ZNF426: variants seen among roughly 807,000 people sequenced by gnomAD.
ZNF426 encodes CTC-543D15.7.
A neutral mutation model predicts 24.0 loss-of-function variants in ZNF426; 23 were observed. That is an observed-to-expected ratio of 0.96 (90% CI 0.69 to 1.36). ZNF426 has a LOEUF of 1.36. Ranked by LOEUF, ZNF426 falls within the 40% of genes most tolerant of loss-of-function variation. The probability of loss-of-function intolerance (pLI) is 0.00; values close to 1 mark genes in which losing one functional copy is unlikely to be tolerated. For missense variants in ZNF426, 646 were observed against 658.4 expected, an observed-to-expected ratio of 0.98 and a Z score of 0.21; for synonymous variants, 272 against 224.6, an observed-to-expected ratio of 1.21 and a Z score of -1.89.
chr19:9,532,124 C>T (rs1162973155), intron 6 of ZNF426, among the ~76,000 whole-genome samples: 1 of 152,046 alleles, frequency 6.6e-6, no homozygotes, highest in Non-Finnish European at 1.5e-5. Context: ...ATGACCGCTA[C>T]GTGACTCACA....
chr19:9,536,843 G>A (rs2073973430), intron 2 of ZNF426, among the ~76,000 whole-genome samples: 1 of 151,698 alleles, frequency 6.6e-6, no homozygotes, highest in African/African-American at 2.4e-5. Flanking sequence ...ACCAAAGTTT[G>A]GTTTTATTTG....
In ZNF426 at chr19:9,528,866, T is replaced by C. The variant is rs769309771; in HGVS notation, c.1179A>G (p.Val393=). The C allele has an allele frequency of 1.9e-6, 3 of 1,614,158 alleles. No individual in the cohort carries two copies. The highest frequency in any genetic ancestry group is 2.2e-5 in the East Asian group (1 of 44,880). The part of the protein sequence containing the change: ...IRTHTGEKPF[V]CVECGKAFAV... ...CAAAGGCTTTCCCACATTCAACACA[T>C]ACAAAAGGCTTCTCTCCAGTGTGAG... Residue 393 remains valine, a synonymous_variant, in exon 8 of 8, where the codon GTA becomes GTG. Transcript: ENST00000253115.
chr19:9,536,808 G>A (rs2073972696), intron 2 of ZNF426, among the ~76,000 whole-genome samples: 1 of 142,694 alleles, frequency 7.0e-6, no homozygotes, highest in African/African-American at 2.5e-5. Context: ...CCTTTTCATA[G>A]TATTTATCTG....
In ZNF426 at chr19:9,527,161, T is replaced by C. The variant is rs1040507911; in HGVS notation, c.*1219A>G. 1.3e-5 allele frequency: 2 copies of C among 152,188 alleles called. No homozygotes were observed. The highest frequency in any genetic ancestry group is 2.9e-5 in the Non-Finnish European group (2 of 68,028). 9.4% of individuals were successfully genotyped at this position (152,188 alleles called of 1,614,324 possible). On this transcript the variant is annotated 3_prime_UTR_variant, in exon 8 of 8. Transcript: ENST00000253115. The stretch of plus-strand genomic sequence containing the variant: ...TACTTATTATGGCATGTGAAATATT[T>C]AAAGGTTATACCATATTCCTTACCT...
Position 9,528,790 on chromosome 19 carries a change from C to T in ZNF426, c.1255G>A (p.Ala419Thr), listed in dbSNP as rs574774870. The T allele has an allele frequency of 4.3e-5, 70 of 1,613,772 alleles. 1 individual carries two copies. In the Middle Eastern group the frequency reaches 4.9e-4, roughly 11 times the overall value. The change falls in exon 8 of 8, where the codon GCC (alanine) becomes ACC (threonine). Residue 419 changes from alanine (A) to threonine (T), a missense_variant. By Grantham distance (58) the Ala-to-Thr change is moderately conservative. Transcript: ENST00000253115. ...TTCCCACATATCTTACACTCACAGGCCTTCTCTTCAGTGTGAGTTCTCAAA... is the reference window on the plus strand; with the variant it reads ...TTCCCACATATCTTACACTCACAGGTCTTCTCTTCAGTGTGAGTTCTCAAA... ...GHLRTHTEEK[A>T]CECKICGKVF...
chr19:9,535,899 G>A (rs1456565044), intron 3 of ZNF426, among the ~76,000 whole-genome samples: 1 of 151,830 alleles, frequency 6.6e-6, no homozygotes, highest in Non-Finnish European at 1.5e-5. Context: ...CAATGCCAGA[G>A]CAGTCCTAAA....
intron 6 of ZNF426, among the ~76,000 whole-genome samples, chr19:9,531,279 C>T (rs530260233): frequency 6.6e-5 from 10 of 152,114 alleles, no homozygotes; most frequent in Non-Finnish European, 1.3e-4. Flanking sequence ...CAGCTACTCA[C>T]GGGGCTCAGG....
At chr19:9,535,359 G>C in intron 3 of ZNF426, 80 bp from the exon 4 acceptor site, 1 of 990,438 alleles carries the variant, frequency 1.0e-6, no homozygotes, top group Non-Finnish European at 1.5e-6. Flanking sequence ...TTACCTCCTA[G>C]TATGAAATTC....
chr19:9,530,243 A>G (rs550197039), intron 7 of ZNF426, among the ~76,000 whole-genome samples: 5 of 152,130 alleles, frequency 3.3e-5, no homozygotes, highest in Non-Finnish European at 5.9e-5. Context: ...ATTTGAACCC[A>G]GGAATTAGAG....
In ZNF426 at chr19:9,523,519, A is replaced by G. The variant is rs2073762757; in HGVS notation, c.*4861T>C. On this transcript the variant is annotated 3_prime_UTR_variant, in exon 8 of 8. Coordinates refer to ENST00000253115, the MANE Select transcript of ZNF426 (RefSeq NM_024106.3). The stretch of plus-strand genomic sequence containing the variant: ...AAAAACCACATCTCTAAATACCACC[A>G]TTATCTTGAGGTCCCAGGGATGAAA... 1.3e-5 allele frequency: 2 copies of G among 152,138 alleles called. No homozygotes were observed. Among genetic ancestry groups the G allele is most frequent in the Non-Finnish European group, 2.9e-5 (2 of 68,022 alleles). The allele number at this position is 152,138 out of a possible 1,614,324, so 9.4% of individuals were successfully genotyped here. A position where few individuals can be genotyped will look rare whatever the true frequency, so the allele number is the denominator to read the frequency against.
chr19:9,530,690 G>A (rs898757569), intron 7 of ZNF426, among the ~76,000 whole-genome samples: 1 of 151,810 alleles, frequency 6.6e-6, no homozygotes, highest in African/African-American at 2.4e-5. Context: ...CTGAGCCCAG[G>A]AGGTCAAGAC....
rs1434967689 is a variant in ZNF426, at chr19:9,528,305, G to T, written c.*75C>A. 3 of 1,382,202 alleles carry T rather than the reference G, an allele frequency of 2.2e-6. No homozygotes were observed. The highest frequency in any genetic ancestry group is 3.0e-6 in the Non-Finnish European group (3 of 1,014,766). 85.6% of individuals were successfully genotyped at this position (1,382,202 alleles called of 1,614,324 possible). A position where few individuals can be genotyped will look rare whatever the true frequency, so the allele number is the denominator to read the frequency against. Reference sequence around the variant, plus strand: ...TCATGCAGCTTCTTCTCTCCAGAGTGAGTTCATTCATGTCTTTAAAGTGAA... The same window carrying T: ...TCATGCAGCTTCTTCTCTCCAGAGTTAGTTCATTCATGTCTTTAAAGTGAA... On this transcript the variant is annotated 3_prime_UTR_variant, in exon 8 of 8. Transcript: ENST00000253115.
At chr19:9,537,085 A>T (rs972503798) in intron 2 of ZNF426, among the ~76,000 whole-genome samples, 5 of 151,980 alleles carry the variant, frequency 3.3e-5, no homozygotes, top group Admixed American at 3.3e-4. Context: ...AGCTGAGATC[A>T]CACCACTGCA....
rs370753452 is a variant in ZNF426 at position 9,528,920 on chromosome 19, T to G, written c.1125A>C (p.Thr375=). 6.2e-7 allele frequency: 1 copy of G among 1,613,740 alleles called. No individual in the cohort carries two copies. Among genetic ancestry groups the G allele is most frequent in the African/African-American group, 1.3e-5 (1 of 74,880 alleles). Residue 375 remains threonine (T), a synonymous_variant, in exon 8 of 8, where the codon ACA becomes ACC. Coordinates refer to ENST00000253115, the MANE Select transcript of ZNF426 (RefSeq NM_024106.3). Reference sequence around the variant, plus strand: ...TTATATGTTGAATAAGGCGTGAGGATGTAAGGAAGGATTTCCCACATTCCT... The same window carrying G: ...TTATATGTTGAATAAGGCGTGAGGAGGTAAGGAAGGATTTCCCACATTCCT... ...ECKECGKSFL[T]SSRLIQHIRT... is the part of the protein sequence containing the mutation.
At position 9,536,265 on chromosome 19, in the gene ZNF426, T is replaced by C; in HGVS notation, c.-33A>G. On this transcript the variant is annotated 5_prime_UTR_variant, in exon 3 of 8. Coordinates refer to ENST00000253115, the MANE Select transcript of ZNF426 (RefSeq NM_024106.3). ...GGTGAGAACGTGTCAGAACCCTCCT[T>C]TCATTGATGTCACCATCACTTCAGG... The C allele has an allele frequency of 6.2e-7, 1 of 1,614,226 alleles. No individual in the cohort carries two copies. Among genetic ancestry groups the C allele is most frequent in the Non-Finnish European group, 8.5e-7 (1 of 1,180,042 alleles).
rs1335563969 is a variant in ZNF426 at position 9,525,246 on chromosome 19, C to T, written c.*3134G>A. The stretch of plus-strand genomic sequence containing the variant: ...CCTGGGCGACAGAGCGAGACTCCGT[C>T]TCAAAAAAAATAAAAATAAAAATAA... On this transcript the variant is annotated 3_prime_UTR_variant, in exon 8 of 8. Transcript: ENST00000253115. 1 of 135,784 alleles carries T rather than the reference C, an allele frequency of 7.4e-6. No homozygotes were observed. Among genetic ancestry groups the T allele is most frequent in the African/African-American group, 2.9e-5 (1 of 34,972 alleles). The allele number at this position is 135,784 out of a possible 1,614,324, so 8.4% of individuals were successfully genotyped here.
At chr19:9,538,447 C>A (rs1196412401) in intron 1 of ZNF426, 102 bp from the exon 2 acceptor site, 1 of 152,308 alleles carries the variant, frequency 6.6e-6, no homozygotes, top group Non-Finnish European at 1.5e-5. Context: ...CCGACTCCTC[C>A]CGAGGAGCGA....
At chr19:9,536,427 G>C in intron 2 of ZNF426, 71 bp from the exon 3 acceptor site, 1 of 1,422,374 alleles carries the variant, frequency 7.0e-7, no homozygotes, top group Non-Finnish European at 9.4e-7. Flanking sequence ...ACCGGCTGGG[G>C]CAGTAGCTCA....
Position 9,536,280 on chromosome 19 carries a change from A to T in ZNF426, c.-48T>A. The stretch of plus-strand genomic sequence containing the variant: ...GAACCCTCCTTTCATTGATGTCACC[A>T]TCACTTCAGGACACCTCATTAATCT... On this transcript the variant is annotated 5_prime_UTR_variant, in exon 3 of 8. An upstream start codon of the reference 5' UTR is lost. Coordinates refer to ENST00000253115, the MANE Select transcript of ZNF426 (RefSeq NM_024106.3). 1 of 1,614,206 alleles carries T rather than the reference A, an allele frequency of 6.2e-7. No individual in the cohort carries two copies. Among genetic ancestry groups the T allele is most frequent in the Non-Finnish European group, 8.5e-7 (1 of 1,180,018 alleles).
Sources: allele counts gnomAD v4.1 joint callset (sites outside exome capture counted in the v4.1 genomes callset), GRCh38; gene constraint gnomAD v4.1.1; transcripts MANE v1.5; gene names NCBI Gene and HGNC (gene_info 2026-07-23, HGNC 2026-07-21).